ITGA10: variants seen among roughly 807,000 people sequenced by gnomAD.
ITGA10 encodes the protein integrin alpha-10.
ITGA10 carries 105 observed loss-of-function variants against 145.2 expected under a neutral mutation model. The observed-to-expected ratio is 0.72, with a 90% CI of 0.62 to 0.85. The LOEUF (loss-of-function observed/expected upper bound fraction) is 0.85, where lower values mean the gene tolerates loss of function less well. Ranked by LOEUF, ITGA10 falls within the 40% of genes least tolerant of loss-of-function variation. The pLI is 0.00. For missense variants in ITGA10, 1,317 were observed against 1,444.5 expected, an observed-to-expected ratio of 0.91 and a Z score of 1.43; for synonymous variants, 506 against 557.8, an observed-to-expected ratio of 0.91 and a Z score of 1.31.
chr1:145,892,510 A>G lies in ITGA10; in HGVS notation c.*288T>C. On this transcript the variant is annotated 3_prime_UTR_variant, in exon 30 of 30. Transcript: ENST00000369304. ...AAAATTATTGATTCCTGGGGATAAAAGGACCCCAAACAAAAGCCCCAGTGT... is the reference window on the plus strand; with the variant it reads ...AAAATTATTGATTCCTGGGGATAAAGGGACCCCAAACAAAAGCCCCAGTGT... 1 of 326,910 alleles carries G rather than the reference A, an allele frequency of 3.1e-6. No homozygotes were observed. Among genetic ancestry groups the G allele is most frequent in the Non-Finnish European group, 5.6e-6 (1 of 179,534 alleles). The allele number at this position is 326,910 out of a possible 1,614,324, so 20.3% of individuals were successfully genotyped here.
rs1553746779 is a variant in ITGA10 at position 145,899,157 on chromosome 1, T to G, written c.2089+18A>C. The G allele has an allele frequency of 6.2e-7, 1 of 1,614,178 alleles. No homozygotes were observed. Among genetic ancestry groups the G allele is most frequent in the East Asian group, 2.2e-5 (1 of 44,868 alleles). On this transcript the variant is annotated intron_variant, in intron 16 of 29. Transcript: ENST00000369304. ...GCAAGGAATTGAGAGTTGCCTGTGA[T>G]GCATTTTAGTCACTCACAGAATTGG...
intron 29 of ITGA10, 123 bp downstream of exon 29, chr1:145,893,038 T>C: frequency 1.1e-6 from 1 of 907,138 alleles, no homozygotes; most frequent in South Asian, 1.4e-5. Flanking sequence ...GTGAAGGAGA[T>C]CTGGGCATGA....
chr1:145,901,293 G>GT lies in ITGA10; in HGVS notation c.1444-16dup, dbSNP rs781956140. The GT allele has an allele frequency of 1.2e-5, 19 of 1,613,582 alleles. No homozygotes were observed. The highest frequency in any genetic ancestry group is 1.7e-6 in the Non-Finnish European group (2 of 1,179,748). On this transcript the variant is annotated splice_polypyrimidine_tract_variant and intron_variant, in intron 12 of 29. Coordinates refer to ENST00000369304, the MANE Select transcript of ITGA10 (RefSeq NM_003637.5). The surrounding 1 kb of genome is among the most constrained non-coding windows in gnomAD (Gnocchi z 4.3). ...TATGAACCAATCTGGGGAATGGTGG[G>GT]TGATGATGACCCCAGAGAAAAGGGA...
chr1:145,901,054 T>A lies in ITGA10; in HGVS notation c.1588-61A>T. Reference sequence around the variant, plus strand: ...GCAGACCCAACCTCTCAGCAAACCCTCAAATATGTGCACCTTCCCTCCTTT... The same window carrying A: ...GCAGACCCAACCTCTCAGCAAACCCACAAATATGTGCACCTTCCCTCCTTT... On this transcript the variant is annotated intron_variant, in intron 13 of 29. Coordinates refer to ENST00000369304, the MANE Select transcript of ITGA10 (RefSeq NM_003637.5). This position sits in a 1 kb window ranked among gnomAD's most constrained non-coding sequence, Gnocchi z 4.3. 1 of 1,612,820 alleles carries A rather than the reference T, an allele frequency of 6.2e-7. No individual in the cohort carries two copies. Among genetic ancestry groups the A allele is most frequent in the Non-Finnish European group, 8.5e-7 (1 of 1,179,108 alleles).
At chr1:145,908,281 G>A (rs1657429983) in intron 1 of ITGA10, among the ~76,000 whole-genome samples, 1 of 152,086 alleles carries the variant, frequency 6.6e-6, no homozygotes, top group Non-Finnish European at 1.5e-5. Flanking sequence ...CACTCTCACT[G>A]TCTTTTTCCA....
At chr1:145,906,985 G>T (rs1657227318) in intron 3 of ITGA10, 56 bp downstream of exon 3, 3 of 1,330,060 alleles carry the variant, frequency 2.3e-6, no homozygotes, top group South Asian at 1.4e-5. Flanking sequence ...GGGAGTTGAA[G>T]CTTCTAGAGT....
Position 145,906,834 on chromosome 1 carries a change from AG to A in ITGA10, c.275-11del. ...CCCAGTTGGTAGTCACCTGGTTGGAAGGAGGTGGAAGAGAATGAGATCATGG... is the reference window on the plus strand; with the variant it reads ...CCCAGTTGGTAGTCACCTGGTTGGAAGAGGTGGAAGAGAATGAGATCATGG... On this transcript the variant is annotated splice_polypyrimidine_tract_variant and intron_variant, in intron 3 of 29. Transcript: ENST00000369304. The A allele has an allele frequency of 6.3e-7, 1 of 1,589,522 alleles. No individual in the cohort carries two copies. Among genetic ancestry groups the A allele is most frequent in the Non-Finnish European group, 8.6e-7 (1 of 1,158,222 alleles).
rs1655620111 is a variant in ITGA10, at chr1:145,897,631, C to A, written c.2455G>T (p.Gly819Cys). The A allele has an allele frequency of 1.2e-6, 2 of 1,614,016 alleles. No homozygotes were observed. Among genetic ancestry groups the A allele is most frequent in the Non-Finnish European group, 8.5e-7 (1 of 1,180,042 alleles). ...GATACCAGCACTTTCCGCCGGCCAC[C>A]TCGAACCACAAATGGGGCCTTCCTG... Reference protein sequence around the residue: ...GSRKAPFVVRGGRRKVLVSTT... With the variant: ...GSRKAPFVVRCGRRKVLVSTT... Residue 819 changes from glycine (G) to cysteine (C), a missense_variant, in exon 20 of 30, where the codon GGT (glycine) becomes TGT (cysteine). Physicochemically the swap from Gly to Cys is radical, Grantham distance 159. Coordinates refer to ENST00000369304, the MANE Select transcript of ITGA10 (RefSeq NM_003637.5).
Position 145,906,780 on chromosome 1 carries a change from G to C in ITGA10, c.319C>G (p.His107Asp), listed in dbSNP as rs762301256. 1 of 1,613,854 alleles carries C rather than the reference G, an allele frequency of 6.2e-7. No individual in the cohort carries two copies. The highest frequency in any genetic ancestry group is 8.5e-7 in the Non-Finnish European group (1 of 1,179,814). The part of the protein sequence containing the change: ...GNSSHPAVNM[H>D]LGMSLLETDG... ...GTCTCTAACAGAGACATCCCCAGGT[G>C]CATATTCACAGCAGGATGAGATGAA... Residue 107 changes from histidine (H) to aspartate (D), a missense_variant, in exon 4 of 30, where the codon CAC (histidine) becomes GAC (aspartate). By Grantham distance (81) the His-to-Asp change is moderately conservative. Coordinates refer to ENST00000369304, the MANE Select transcript of ITGA10 (RefSeq NM_003637.5).
chr1:145,908,428 C>T (rs1657447976), intron 1 of ITGA10, among the ~76,000 whole-genome samples: 1 of 152,144 alleles, frequency 6.6e-6, no homozygotes. Flanking sequence ...TTCCCACAAC[C>T]TGCTTCCTTT....
intron 1 of ITGA10, among the ~76,000 whole-genome samples, chr1:145,908,905 G>T (rs1657490263): frequency 6.6e-6 from 1 of 152,078 alleles, no homozygotes; most frequent in Non-Finnish European, 1.5e-5. Context: ...AAGAAGTTAG[G>T]GAGGGGATAA....
At position 145,906,810 on chromosome 1, in the gene ITGA10, C is replaced by A; in HGVS notation, c.289G>T (p.Gly97Ter). ...TTCACAGCAGGATGAGATGAATTTC[C>A]CAGTTGGTAGTCACCTGGTTGGAAG... ...AKGHLGDYQL[G>*]NSSHPAVNMH... Residue 97 changes from glycine to a stop codon, truncating the protein, a stop_gained, in exon 4 of 30, where the codon GGA (glycine) becomes TGA (stop). Coordinates refer to ENST00000369304, the MANE Select transcript of ITGA10 (RefSeq NM_003637.5). LOFTEE classifies it high-confidence loss of function. The A allele has an allele frequency of 6.2e-7, 1 of 1,613,278 alleles. No individual in the cohort carries two copies.
Position 145,904,680 on chromosome 1 carries a change from T to C in ITGA10, c.609+4A>G, listed in dbSNP as rs1283023828. 1 of 1,613,806 alleles carries C rather than the reference T, an allele frequency of 6.2e-7. No homozygotes were observed. Among genetic ancestry groups the C allele is most frequent in the Non-Finnish European group, 8.5e-7 (1 of 1,179,868 alleles). ...TGTGCCCAGCTCATATTGCCTTCTC[T>C]TACCTGTATCTGTTCTGGGTCAATA... On this transcript the variant is annotated splice_donor_region_variant and intron_variant, in intron 6 of 29. Transcript: ENST00000369304.
rs782441848 is a variant in ITGA10, at chr1:145,900,924, T to C, written c.1657A>G (p.Met553Val). 1 of 1,614,126 alleles carries C rather than the reference T, an allele frequency of 6.2e-7. No homozygotes were observed. The highest frequency in any genetic ancestry group is 1.7e-5 in the Admixed American group (1 of 60,020). Residue 553 changes from methionine (M) to valine (V), a missense_variant, in exon 14 of 30, where the codon ATG becomes GTG. Transcript: ENST00000369304. ...PPQDARFGFA[M>V]GALPDLNQDG... ...TGGTTCAGATCAGGAAGAGCTCCCA[T>C]GGCAAAGCCAAACCGAGCATCCTGG...
intron 7 of ITGA10, 127 bp downstream of exon 7, chr1:145,903,925 G>A: frequency 1.0e-6 from 1 of 1,001,942 alleles, no homozygotes; most frequent in South Asian, 1.5e-5. Context: ...CTGACCTCAG[G>A]TGATCCGCCT....
chr1:145,903,024 TACACACACACAC>T lies in ITGA10; in HGVS notation c.759-75_759-64del, dbSNP rs55794832. ...GCAGACACACACACACACACACACA[TACACACACACAC>T]ACACACACACACACACACACACACA... On this transcript the variant is annotated intron_variant, in intron 7 of 29. Coordinates refer to ENST00000369304, the MANE Select transcript of ITGA10 (RefSeq NM_003637.5). 308 of 379,352 alleles carry T rather than the reference TACACACACACAC, an allele frequency of 8.1e-4. 1 individual carries two copies. Among genetic ancestry groups the T allele is most frequent in the African/African-American group, 2.4e-3 (103 of 42,696 alleles). The allele number at this position is 379,352 out of a possible 1,614,324, so 23.5% of individuals were successfully genotyped here. A position where few individuals can be genotyped will look rare whatever the true frequency, so the allele number is the denominator to read the frequency against.
chr1:145,899,884 C>A (rs191829288), intron 15 of ITGA10, among the ~76,000 whole-genome samples, 173 bp downstream of exon 15: 56 of 152,336 alleles, frequency 3.7e-4, no homozygotes, highest in Non-Finnish European at 6.2e-4. Flanking sequence ...CTCATTTAAT[C>A]TTCACAATAA....
intron 18 of ITGA10, 66 bp downstream of exon 18, chr1:145,898,044 C>T: frequency 7.4e-7 from 1 of 1,345,238 alleles, no homozygotes; most frequent in East Asian, 2.3e-5. Flanking sequence ...TGTCTTCTCC[C>T]TCCCTCCCTT....
At position 145,902,850 on chromosome 1, in the gene ITGA10, C is replaced by G; in HGVS notation, c.870G>C (p.Lys290Asn). The G allele has an allele frequency of 6.2e-7, 1 of 1,613,706 alleles. No homozygotes were observed. Among genetic ancestry groups the G allele is most frequent in the Non-Finnish European group, 8.5e-7 (1 of 1,179,828 alleles). ...HDGEELPAAL[K>N]ACEAGRVTRY... ...GTGTCACTCTTCCAGCCTCACAGGC[C>G]TTTAGTGCTGCAGGAAGCTCCTCTC... The change falls in exon 8 of 30, where the codon AAG (lysine) becomes AAC (asparagine). Residue 290 changes from lysine to asparagine, a missense_variant. Coordinates refer to ENST00000369304, the MANE Select transcript of ITGA10 (RefSeq NM_003637.5).
Sources: gnomAD v4.1 joint callset for allele counts (sites outside exome capture counted in the v4.1 genomes callset) on GRCh38, gnomAD v4.1.1 for gene constraint, Gnocchi (gnomAD v3.1) non-coding constraint, MANE v1.5 for transcripts, NCBI Gene and HGNC (gene_info 2026-07-23, HGNC 2026-07-21) for gene names.